The following LARGE1 variants were observed in gnomAD, a reference collection of about 807,000 sequenced individuals.
LARGE1 encodes xylosyl- and glucuronyltransferase LARGE1.
Under a neutral mutation model 87.6 loss-of-function variants are expected in LARGE1, and 43 were observed. That is an observed-to-expected ratio of 0.49 (90% CI 0.38 to 0.63). The LOEUF (loss-of-function observed/expected upper bound fraction) is 0.63, where lower values mean the gene tolerates loss of function less well. LARGE1 is among the 30% of genes least tolerant of loss of function. LARGE1 has a pLI of 0.00. For synonymous variants in LARGE1, 434 were observed against 394.6 expected, an observed-to-expected ratio of 1.10 and a Z score of -1.18; for missense variants, 802 against 1,000.2, an observed-to-expected ratio of 0.80 and a Z score of 2.67.
At chr22:33,073,657 G>T in the LARGE1 span, among the ~76,000 whole-genome samples, 2 of 151,974 alleles carry the variant, frequency 1.3e-5, no homozygotes, top group South Asian at 4.2e-4. Flanking sequence ...CTCTGAGCCT[G>T]GCTTCCCATT....
the LARGE1 span, among the ~76,000 whole-genome samples, chr22:33,150,024 T>A: frequency 6.6e-6 from 1 of 152,222 alleles, no homozygotes; most frequent in African/African-American, 2.4e-5. Flanking sequence ...CATAGACAGG[T>A]TTTTAAAAAT....
the LARGE1 span, among the ~76,000 whole-genome samples, chr22:33,067,934 C>T: frequency 0.1 from 15,591 of 151,616 alleles, 919 homozygotes; most frequent in African/African-American, 0.17. Context: ...GAGCTGAGAT[C>T]GCATCACTGC....
intron 6 of LARGE1, among the ~76,000 whole-genome samples, chr22:33,519,090 A>G (rs1195512317): frequency 6.6e-6 from 1 of 152,114 alleles, no homozygotes; most frequent in Non-Finnish European, 1.5e-5. Context: ...TCCACAGAGC[A>G]CTCTGGCTTT....
At chr22:33,260,027 C>T (rs1927536948) in intron 11 of LARGE1, among the ~76,000 whole-genome samples, 2 of 152,158 alleles carry the variant, frequency 1.3e-5, no homozygotes, top group Non-Finnish European at 2.9e-5. Flanking sequence ...GCCATTATTC[C>T]CTTGCTATAA....
chr22:33,097,002 G>A, the LARGE1 span, among the ~76,000 whole-genome samples: 1 of 152,242 alleles, frequency 6.6e-6, no homozygotes, highest in East Asian at 1.9e-4. Flanking sequence ...ACTCCCCAGA[G>A]ACTTCTTGTG....
At chr22:33,634,748 A>G (rs1163487494) in intron 3 of LARGE1, among the ~76,000 whole-genome samples, 1 of 152,146 alleles carries the variant, frequency 6.6e-6, no homozygotes, top group African/African-American at 2.4e-5. Flanking sequence ...TCCAGTTTGT[A>G]ATGGCAGACA....
the LARGE1 span, among the ~76,000 whole-genome samples, chr22:33,081,416 G>A: frequency 2.0e-5 from 3 of 152,158 alleles, no homozygotes; most frequent in Admixed American, 2.0e-4. Flanking sequence ...GACGTAGGGA[G>A]GAGAAAGAAT....
intron 1 of LARGE1, among the ~76,000 whole-genome samples, chr22:33,868,057 T>C (rs368945277): frequency 6.6e-6 from 1 of 152,214 alleles, no homozygotes; most frequent in East Asian, 1.9e-4. Flanking sequence ...ACAACCACGG[T>C]ACATTTCATC....
At chr22:33,198,166 A>G (rs919696373) in intron 11 of LARGE1, among the ~76,000 whole-genome samples, 2 of 152,198 alleles carry the variant, frequency 1.3e-5, no homozygotes, top group African/African-American at 4.8e-5. Context: ...CAGGAGAAAG[A>G]CATTGATTAG....
At chr22:33,860,707 A>G (rs367658483) in intron 1 of LARGE1, among the ~76,000 whole-genome samples, 151 of 152,300 alleles carry the variant, frequency 9.9e-4, no homozygotes, top group African/African-American at 3.5e-3. Context: ...TCACACAAAC[A>G]TGACTTCAGC....
At chr22:33,889,322 C>T (rs1211411994) in intron 1 of LARGE1, 1 of 152,222 alleles carries the variant, frequency 6.6e-6, no homozygotes, top group South Asian at 2.1e-4. Flanking sequence ...CCCTCCTGGG[C>T]TAGGCAGACT....
chr22:33,600,689 G>A (rs1349495368), intron 5 of LARGE1, among the ~76,000 whole-genome samples: 6 of 152,162 alleles, frequency 3.9e-5, no homozygotes, highest in Admixed American at 3.9e-4. Flanking sequence ...GGACGCAAGT[G>A]GTGCAAGAAC....
chr22:33,908,807 G>A (rs1056275719), intron 1 of LARGE1, among the ~76,000 whole-genome samples: 3 of 152,186 alleles, frequency 2.0e-5, no homozygotes, highest in Admixed American at 2.0e-4. Context: ...AGTGTGTACC[G>A]TAATCTCAAA....
intron 6 of LARGE1, among the ~76,000 whole-genome samples, chr22:33,444,546 T>A (rs1299860116): frequency 6.6e-6 from 1 of 152,120 alleles, no homozygotes; most frequent in African/African-American, 2.4e-5. Context: ...TCTCTTTCTA[T>A]TCTTAAGCCT....
intron 11 of LARGE1, among the ~76,000 whole-genome samples, chr22:33,261,417 C>A (rs1435456637): frequency 6.6e-6 from 1 of 152,126 alleles, no homozygotes; most frequent in East Asian, 1.9e-4. Context: ...TATGCTCACT[C>A]CTTAGACGAT....
At chr22:33,729,066 G>T (rs1236229857) in intron 2 of LARGE1, among the ~76,000 whole-genome samples, 1 of 152,106 alleles carries the variant, frequency 6.6e-6, no homozygotes, top group Admixed American at 6.5e-5. Context: ...ATAAAATAAT[G>T]CATAGAGATG....
At chr22:33,809,225 T>C (rs1296719831) in intron 1 of LARGE1, among the ~76,000 whole-genome samples, 1 of 151,650 alleles carries the variant, frequency 6.6e-6, no homozygotes, top group Non-Finnish European at 1.5e-5. Flanking sequence ...TGAGCCGAGA[T>C]TGCGCCACTG....
At chr22:33,809,561 G>A (rs980975590) in intron 1 of LARGE1, among the ~76,000 whole-genome samples, 5 of 152,200 alleles carry the variant, frequency 3.3e-5, no homozygotes, top group African/African-American at 1.2e-4. Flanking sequence ...CATTCTGCAT[G>A]TCTAAACCAG....
At chr22:33,514,486 A>G (rs938713729) in intron 6 of LARGE1, among the ~76,000 whole-genome samples, 3 of 152,220 alleles carry the variant, frequency 2.0e-5, no homozygotes, top group Admixed American at 6.5e-5. Flanking sequence ...AAAATAAACG[A>G]AAGTAACACA....
Sources: gnomAD v4.1 joint callset for allele counts (sites outside exome capture counted in the v4.1 genomes callset) on GRCh38, gnomAD v4.1.1 for gene constraint, MANE v1.5 for transcripts, NCBI Gene and HGNC (gene_info 2026-07-23, HGNC 2026-07-21) for gene names.